Variants in RXRA observed in about 807,000 individuals in gnomAD.
RXRA encodes retinoic acid receptor RXR-alpha.
A neutral mutation model predicts 44.5 loss-of-function variants in RXRA; 5 were observed. The ratio of observed to expected loss-of-function variants is 0.11; its 90% confidence interval spans 0.06 to 0.24. RXRA has a LOEUF of 0.24. Among genes scored for constraint, RXRA ranks in the 10% least tolerant of loss-of-function variants. The pLI is 1.00. For synonymous variants in RXRA, 291 were observed against 271.4 expected (o/e 1.07, Z -0.71); for missense variants, 412 against 646.5 (o/e 0.64, Z 3.93).
At chr9:134,423,512 G>A (rs1158447769) in intron 6 of RXRA, 2 of 985,366 alleles carry the variant, frequency 2.0e-6, no homozygotes, top group Admixed American at 6.1e-5. Flanking sequence ...CACAGGCTGT[G>A]TGTATAGGGC....
chr9:134,408,106 A>G (rs1165282325), intron 2 of RXRA, 43 bp from the exon 3 acceptor site: 1 of 1,478,038 alleles, frequency 6.8e-7, no homozygotes, highest in South Asian at 1.4e-5. Flanking sequence ...ATAGGGACAA[A>G]CCTGGTGTAC....
chr9:134,391,676 G>C (rs370203130), intron 1 of RXRA, among the ~76,000 whole-genome samples: 65 of 152,206 alleles, frequency 4.3e-4, no homozygotes, highest in African/African-American at 1.4e-3. Context: ...ATTCTGCCAA[G>C]TCCCCGAGCT....
At chr9:134,411,848 T>C (rs1157004131) in intron 4 of RXRA, among the ~76,000 whole-genome samples, 1 of 152,146 alleles carries the variant, frequency 6.6e-6, no homozygotes, top group Non-Finnish European at 1.5e-5. Context: ...GGGAGTCTCT[T>C]GCCTCCCCCA....
chr9:134,422,362 C>A lies in RXRA; in HGVS notation c.910+557C>A, dbSNP rs115035866. 7 of 1,275,084 alleles carry A rather than the reference C, an allele frequency of 5.5e-6. No homozygotes were observed. The South Asian group carries it at 7.5e-5, about 14-fold the overall frequency. 79.0% of individuals were successfully genotyped at this position (1,275,084 alleles called of 1,614,324 possible). ...CTACCCCCTCCCGGGACACACTCCC[C>A]GCTACCGGGACACTCCCCCCTCCCG... On this transcript the variant is annotated intron_variant, in intron 6 of 9. Transcript: ENST00000481739.
At chr9:134,327,371 C>T (rs1486756763) in intron 1 of RXRA, among the ~76,000 whole-genome samples, 1 of 152,192 alleles carries the variant, frequency 6.6e-6, no homozygotes. Context: ...CCTGCCATCC[C>T]GCCCGGTAGC....
chr9:134,377,420 C>G (rs1008649242), intron 1 of RXRA, among the ~76,000 whole-genome samples: 2 of 152,196 alleles, frequency 1.3e-5, no homozygotes, highest in African/African-American at 4.8e-5. Context: ...TCCCCAGTGT[C>G]CAGCACAGTT....
chr9:134,427,120 G>T, intron 6 of RXRA: 2 of 984,268 alleles, frequency 2.0e-6, no homozygotes, highest in Non-Finnish European at 2.4e-6. Context: ...GCCTCTTCTA[G>T]ATTAGACTTC....
At position 134,326,610 on chromosome 9, in the gene RXRA, C is replaced by A; in HGVS notation, c.-22C>A. 1 of 959,050 alleles carries A rather than the reference C, an allele frequency of 1.0e-6. No individual in the cohort carries two copies. Among genetic ancestry groups the A allele is most frequent in the South Asian group, 4.7e-5 (1 of 21,378 alleles). The allele number at this position is 959,050 out of a possible 1,614,324, so 59.4% of individuals were successfully genotyped here. On this transcript the variant is annotated 5_prime_UTR_variant, in exon 1 of 10. Coordinates refer to ENST00000481739, the MANE Select transcript of RXRA (RefSeq NM_002957.6). ...GCCGCCCGCTGCCTGCGCCGCCGGC[C>A]GGGCATGAGTTAGTCGCAGACATGG... is the stretch of plus-strand genomic sequence containing the variant.
intron 1 of RXRA, among the ~76,000 whole-genome samples, chr9:134,401,178 G>T (rs1196541382): frequency 1.3e-5 from 2 of 152,364 alleles, no homozygotes; most frequent in South Asian, 2.1e-4. Context: ...TACACGGCAG[G>T]TGCTCGGCGA....
intron 1 of RXRA, among the ~76,000 whole-genome samples, chr9:134,331,711 T>C (rs1835009043): frequency 6.6e-6 from 1 of 152,214 alleles, no homozygotes; most frequent in African/African-American, 2.4e-5. Context: ...GCCCACTTAG[T>C]GGATGGGGAC....
In RXRA at chr9:134,436,850, C is replaced by T. The variant is rs1831631273; in HGVS notation, c.*236C>T. 1 of 532,946 alleles carries T rather than the reference C, an allele frequency of 1.9e-6. No homozygotes were observed. The allele number at this position is 532,946 out of a possible 1,614,324, so 33.0% of individuals were successfully genotyped here. A position where few individuals can be genotyped will look rare whatever the true frequency, so the allele number is the denominator to read the frequency against. ...GAGGCAGCAGCCTTCGTGGCAAGAA[C>T]TAGCGTGAGCCCAGCCAGGCGCCTC... On this transcript the variant is annotated 3_prime_UTR_variant, in exon 10 of 10. Coordinates refer to ENST00000481739, the MANE Select transcript of RXRA (RefSeq NM_002957.6).
chr9:134,426,203 CA>C lies in RXRA; in HGVS notation c.911-2904del, dbSNP rs1831432094. On this transcript the variant is annotated intron_variant, in intron 6 of 9. Transcript: ENST00000481739. This position sits in a 1 kb window ranked among gnomAD's most constrained non-coding sequence, Gnocchi z 4.6. ...GAGTAAGACCTGGTATCCTCTGCAT[CA>C]CTGAGGTCCTCCTTCTGAAAGGCCA... is the stretch of plus-strand genomic sequence containing the variant. The C allele has an allele frequency of 1.0e-6, 1 of 985,314 alleles. No individual in the cohort carries two copies. Among genetic ancestry groups the C allele is most frequent in the African/African-American group, 1.7e-5 (1 of 57,234 alleles). The allele number at this position is 985,314 out of a possible 1,614,324, so 61.0% of individuals were successfully genotyped here.
rs1830398261 is a variant in RXRA, at chr9:134,365,173, C to G, written c.29-36459C>G. 6.6e-6 allele frequency among the ~76,000 whole-genome samples: 1 copy of G among 152,236 alleles called. No homozygotes were observed. ...CTGTTGCTGGAGGGCTGATGGCACG[C>G]TGGGCCCGGGAAAGCCCCTCGTGGG... On this transcript the variant is annotated intron_variant, in intron 1 of 9. Coordinates refer to ENST00000481739, the MANE Select transcript of RXRA (RefSeq NM_002957.6). The surrounding 1 kb of genome is among the most constrained non-coding windows in gnomAD (Gnocchi z 4.0).
At chr9:134,429,754 C>A (rs34951555) in intron 7 of RXRA, among the ~76,000 whole-genome samples, 2,239 of 152,304 alleles carry the variant, frequency 0.015, 50 homozygotes, top group African/African-American at 0.051. Flanking sequence ...ACTGGAGGAG[C>A]AGCACTGGCT....
Position 134,417,174 on chromosome 9 carries a change from G to A in RXRA, c.627G>A (p.Arg209=). Residue 209 remains arginine (R), a synonymous_variant, in exon 5 of 10, where the codon CGG becomes CGA. Coordinates refer to ENST00000481739, the MANE Select transcript of RXRA (RefSeq NM_002957.6). The surrounding 1 kb of genome is among the most constrained non-coding windows in gnomAD (Gnocchi z 6.1). ...GMKREAVQEE[R]QRGKDRNENE... ...GGGTTGTAGCCGTGCAGGAGGAGCG[G>A]CAGCGTGGCAAGGACCGGAACGAGA... is the stretch of plus-strand genomic sequence containing the variant. 2 of 1,612,140 alleles carry A rather than the reference G, an allele frequency of 1.2e-6. No individual in the cohort carries two copies. The highest frequency in any genetic ancestry group is 1.7e-6 in the Non-Finnish European group (2 of 1,179,822).
At chr9:134,432,132 C>T (rs1414054888) in intron 8 of RXRA, 136 bp downstream of exon 8, 1 of 641,994 alleles carries the variant, frequency 1.6e-6, no homozygotes, top group African/African-American at 1.8e-5. Context: ...TCAGTGTGCC[C>T]CCCTCCCAGT....
At position 134,326,614 on chromosome 9, in the gene RXRA, C is replaced by T. The variant is rs1298721615; in HGVS notation, c.-18C>T. On this transcript the variant is annotated 5_prime_UTR_variant, in exon 1 of 10. Transcript: ENST00000481739. ...CCCGCTGCCTGCGCCGCCGGCCGGG[C>T]ATGAGTTAGTCGCAGACATGGACAC... 4.2e-6 allele frequency: 4 copies of T among 961,306 alleles called. No homozygotes were observed. In the African/African-American group the frequency reaches 5.4e-5, roughly 13 times the overall value. The allele number at this position is 961,306 out of a possible 1,614,324, so 59.5% of individuals were successfully genotyped here. A position where few individuals can be genotyped will look rare whatever the true frequency, so the allele number is the denominator to read the frequency against.
At chr9:134,328,510 C>G in intron 1 of RXRA, among the ~76,000 whole-genome samples, 1 of 152,196 alleles carries the variant, frequency 6.6e-6, no homozygotes, top group East Asian at 1.9e-4. Context: ...CGAGCAGCAG[C>G]TCTCCCGACC....
rs1422298538 is a variant in RXRA at position 134,407,945 on chromosome 9, C to T, written c.280-204C>T. Among the ~76,000 whole-genome samples, 1 of 152,018 alleles carries T rather than the reference C, an allele frequency of 6.6e-6. No homozygotes were observed. The highest frequency in any genetic ancestry group is 2.4e-5 in the African/African-American group (1 of 41,420). ...CTGCGGGCGAGTCCTGAGGTTGCCA[C>T]AGCCTCTGCTGGCCTTGCTGAGCAA... is the stretch of plus-strand genomic sequence containing the variant. On this transcript the variant is annotated intron_variant, in intron 2 of 9. Coordinates refer to ENST00000481739, the MANE Select transcript of RXRA (RefSeq NM_002957.6). This position sits in a 1 kb window ranked among gnomAD's most constrained non-coding sequence, Gnocchi z 4.8.
Sources: gnomAD v4.1 joint callset for allele counts (sites outside exome capture counted in the v4.1 genomes callset) on GRCh38, gnomAD v4.1.1 for gene constraint, Gnocchi (gnomAD v3.1) non-coding constraint, MANE v1.5 for transcripts, NCBI Gene and HGNC (gene_info 2026-07-23, HGNC 2026-07-21) for gene names.